The following CLDN14 variants were observed in gnomAD, a reference collection of about 807,000 sequenced individuals.
CLDN14 encodes claudin-14.
A neutral mutation model predicts 2.1 loss-of-function variants in CLDN14; 2 were observed. The observed-to-expected ratio is 0.96, with a 90% CI of 0.39 to 3.01. CLDN14 has a LOEUF of 3.01. Among genes scored for constraint, CLDN14 ranks in the 30% most tolerant of loss-of-function variants. The pLI, the probability that CLDN14 is intolerant of heterozygous loss-of-function variation, is 0.09. For synonymous variants in CLDN14, 136 were observed against 154.4 expected (o/e 0.88, Z 0.88); for missense variants, 298 against 328.0 (o/e 0.91, Z 0.71).
chr21:36,517,943 G>A (rs1601620566), intron 1 of CLDN14, among the ~76,000 whole-genome samples: 1 of 152,148 alleles, frequency 6.6e-6, no homozygotes, highest in African/African-American at 2.4e-5. Context: ...GCCTGCAGAT[G>A]GCCTTTGGGC....
rs534418135 is a variant in CLDN14, at chr21:36,514,785, G to A, written c.-219-4285C>T. 1.4e-4 allele frequency among the ~76,000 whole-genome samples: 21 copies of A among 152,030 alleles called. No individual in the cohort carries two copies. The South Asian group carries it at 3.5e-3, about 26-fold the overall frequency. On this transcript the variant is annotated intron_variant, in intron 1 of 2. Coordinates refer to the CLDN14 transcript ENST00000342108. ...AGGGGGTGGCTGGTTTCTGCACTGA[G>A]ATATAGGTGTTTCCTTCTCTTGCCT...
At chr21:36,540,233 C>T (rs573457480) in intron 1 of CLDN14, among the ~76,000 whole-genome samples, 13 of 152,090 alleles carry the variant, frequency 8.5e-5, no homozygotes, top group South Asian at 2.1e-4. Flanking sequence ...TATTAAATGG[C>T]GTAGTGTTTG....
intron 1 of CLDN14, among the ~76,000 whole-genome samples, chr21:36,513,672 CT>C (rs2087202248): frequency 6.6e-6 from 1 of 152,142 alleles, no homozygotes; most frequent in Non-Finnish European, 1.5e-5. Context: ...CATAAGCCCT[CT>C]GTGGCTGGGG....
At chr21:36,539,854 AGTGT>A (rs1235942642) in intron 1 of CLDN14, among the ~76,000 whole-genome samples, 1 of 142,142 alleles carries the variant, frequency 7.0e-6, no homozygotes, top group African/African-American at 2.7e-5. Context: ...GTGCAGAGTG[AGTGT>A]GTGTGTGCAG....
At chr21:36,515,977 G>A (rs977454066) in intron 1 of CLDN14, among the ~76,000 whole-genome samples, 2 of 151,546 alleles carry the variant, frequency 1.3e-5, no homozygotes, top group South Asian at 2.1e-4. Context: ...TAGTAGAGAC[G>A]GGGTTTCACC....
rs1429728343 is a variant in CLDN14 at position 36,468,058 on chromosome 21, C to T, written c.-81-6282G>A. Among the ~76,000 whole-genome samples the T allele has an allele frequency of 3.3e-5, 5 of 152,214 alleles. No individual in the cohort carries two copies. In the East Asian group the frequency reaches 9.6e-4, roughly 29 times the overall value. ...ACGAGCCATTATATATGTTTGCCCT[C>T]AAATGCTCTGACATGATGTTGGGTC... On this transcript the variant is annotated intron_variant, in intron 1 of 1. Coordinates refer to ENST00000399135, the MANE Select transcript of CLDN14 (RefSeq NM_001146079.2).
At chr21:36,497,524 T>A (rs950065856) in intron 2 of CLDN14, among the ~76,000 whole-genome samples, 1 of 151,784 alleles carries the variant, frequency 6.6e-6, no homozygotes, top group Non-Finnish European at 1.5e-5. Flanking sequence ...GGATCTTTCA[T>A]ATCTCCAATA....
intron 1 of CLDN14, among the ~76,000 whole-genome samples, chr21:36,538,358 G>A (rs1269559378): frequency 6.6e-6 from 1 of 152,100 alleles, no homozygotes; most frequent in Non-Finnish European, 1.5e-5. Flanking sequence ...TGTGTAGGAC[G>A]GGTTGCAGAA....
In CLDN14 at chr21:36,499,474, T is replaced by C. The variant is rs1216446872; in HGVS notation, c.-82+10889A>G. On this transcript the variant is annotated intron_variant, in intron 2 of 2. Coordinates refer to the CLDN14 transcript ENST00000342108. This position sits in a 1 kb window ranked among gnomAD's most constrained non-coding sequence, Gnocchi z 4.7. ...GGAGGATTGAGTGCATTTAGGCTATTAGTAGAAAGTGATCAAGATTAGAAT... is the reference window on the plus strand; with the variant it reads ...GGAGGATTGAGTGCATTTAGGCTATCAGTAGAAAGTGATCAAGATTAGAAT... 6.6e-6 allele frequency among the ~76,000 whole-genome samples: 1 copy of C among 152,156 alleles called. No homozygotes were observed. Among genetic ancestry groups the C allele is most frequent in the Non-Finnish European group, 1.5e-5 (1 of 68,034 alleles).
rs368914761 is a variant in CLDN14 at position 36,506,384 on chromosome 21, G to A, written c.-82+3979C>T. Among the ~76,000 whole-genome samples the A allele has an allele frequency of 3.3e-5, 5 of 151,884 alleles. No homozygotes were observed. In the East Asian group the frequency reaches 7.8e-4, roughly 24 times the overall value. ...GGCCAAGGCAGGTGGATCACCTGAG[G>A]TCAGAAGTTCAAGACCAGCCTGACC... is the stretch of plus-strand genomic sequence containing the variant. On this transcript the variant is annotated intron_variant, in intron 2 of 2. Transcript: ENST00000342108.
Position 36,461,013 on chromosome 21 carries a change from G to T in CLDN14, c.683C>A (p.Ala228Asp). 3 of 1,613,372 alleles carry T rather than the reference G, an allele frequency of 1.9e-6. No homozygotes were observed. The highest frequency in any genetic ancestry group is 2.5e-6 in the Non-Finnish European group (3 of 1,179,964). ...GTTCAGCCTGTACCCGCTGTGCGTG[G>T]CCGAGGTCACTGAGGGGGCCCGATT... ...KDNRAPSVTS[A>D]THSGYRLNDY... is the part of the protein sequence containing the mutation. The change falls in exon 2 of 2, where the codon GCC becomes GAC. Residue 228 changes from alanine to aspartate, a missense_variant. Transcript: ENST00000399135.
chr21:36,569,956 C>A (rs750033460), intron 1 of CLDN14, among the ~76,000 whole-genome samples: 5 of 152,204 alleles, frequency 3.3e-5, no homozygotes, highest in Non-Finnish European at 7.3e-5. Flanking sequence ...TAAGGACACA[C>A]CTGTGACAGA....
At chr21:36,538,010 TG>T (rs2146507416) in intron 1 of CLDN14, among the ~76,000 whole-genome samples, 1 of 152,102 alleles carries the variant, frequency 6.6e-6, no homozygotes, top group Admixed American at 6.6e-5. Flanking sequence ...TGTGTGTGTG[TG>T]TGTGTACAGA....
At chr21:36,482,514 T>C (rs1248642945), upstream of CLDN14, among the ~76,000 whole-genome samples, 3 of 152,180 alleles carry the variant, frequency 2.0e-5, no homozygotes, top group African/African-American at 7.2e-5. Context: ...GCTTGATTCA[T>C]TTTTTGATTT....
chr21:36,557,933 C>T (rs1019914396), intron 1 of CLDN14, among the ~76,000 whole-genome samples: 1 of 152,250 alleles, frequency 6.6e-6, no homozygotes, highest in African/African-American at 2.4e-5. Context: ...AATCTTTAAT[C>T]TATTTTGAGT....
chr21:36,561,778 CCTT>C (rs1601637696), intron 1 of CLDN14, among the ~76,000 whole-genome samples: 1 of 152,308 alleles, frequency 6.6e-6, no homozygotes, highest in Non-Finnish European at 1.5e-5. Flanking sequence ...GCTGACTCCT[CCTT>C]CTGTAGACTA....
intron 1 of CLDN14, among the ~76,000 whole-genome samples, chr21:36,475,320 C>T (rs376449896): frequency 6.4e-4 from 98 of 152,304 alleles, no homozygotes; most frequent in African/African-American, 2.2e-3. Context: ...GATGGAGGGA[C>T]ATTGAGGACA....
chr21:36,510,558 G>A (rs1185627921), intron 1 of CLDN14: 1 of 152,298 alleles, frequency 6.6e-6, no homozygotes, highest in Non-Finnish European at 1.5e-5. Context: ...CTCAGGAGCA[G>A]TTACCTCTAG....
chr21:36,526,951 C>A (rs2087335829), intron 1 of CLDN14, among the ~76,000 whole-genome samples: 1 of 152,212 alleles, frequency 6.6e-6, no homozygotes. Flanking sequence ...GCTCTGAGGA[C>A]CATCAAAGCA....
Sources: allele counts gnomAD v4.1 joint callset (sites outside exome capture counted in the v4.1 genomes callset), GRCh38; gene constraint gnomAD v4.1.1; non-coding constraint Gnocchi (gnomAD v3.1); transcripts MANE v1.5; gene names NCBI Gene and HGNC (gene_info 2026-07-23, HGNC 2026-07-21).